KCNQ5: variants seen among roughly 807,000 people sequenced by gnomAD.
KCNQ5 encodes the protein potassium voltage-gated channel subfamily KQT member 5.
A neutral mutation model predicts 98.2 loss-of-function variants in KCNQ5; 30 were observed. The observed-to-expected ratio is 0.31, with a 90% CI of 0.23 to 0.41. KCNQ5 has a LOEUF of 0.41. KCNQ5 is among the 10% of genes least tolerant of loss of function. KCNQ5 has a pLI of 1.00. For synonymous variants in KCNQ5, 458 were observed against 449.4 expected, an observed-to-expected ratio of 1.02 and a Z score of -0.24; for missense variants, 835 against 1,182.5, an observed-to-expected ratio of 0.71 and a Z score of 4.31.
chr6:72,713,909 A>G (rs893039157), intron 1 of KCNQ5, among the ~76,000 whole-genome samples: 6 of 152,180 alleles, frequency 3.9e-5, no homozygotes, highest in African/African-American at 1.4e-4. Context: ...GTCTACCTGG[A>G]TCCTGTGTTG....
intron 1 of KCNQ5, among the ~76,000 whole-genome samples, chr6:72,717,433 ATG>A (rs1478057069): frequency 3.3e-5 from 5 of 152,328 alleles, no homozygotes; most frequent in African/African-American, 1.2e-4. Context: ...TACAATTATT[ATG>A]TGTCAAAAAT....
intron 1 of KCNQ5, among the ~76,000 whole-genome samples, chr6:72,719,971 C>A (rs1226539582): frequency 6.6e-6 from 1 of 152,194 alleles, no homozygotes; most frequent in Non-Finnish European, 1.5e-5. Flanking sequence ...CCTTTCTATG[C>A]CTGATATGTA....
At chr6:72,770,714 T>C (rs1772825011) in intron 1 of KCNQ5, among the ~76,000 whole-genome samples, 1 of 152,180 alleles carries the variant, frequency 6.6e-6, no homozygotes, top group African/African-American at 2.4e-5. Flanking sequence ...TTATTAATAC[T>C]AATTTAGTAT....
intron 1 of KCNQ5, among the ~76,000 whole-genome samples, chr6:72,820,682 T>G (rs1453747651): frequency 1.3e-5 from 2 of 152,058 alleles, no homozygotes; most frequent in Admixed American, 6.6e-5. Context: ...TTTTCTCTCC[T>G]TGGCATCACA....
chr6:72,874,630 T>A (rs1464380072), intron 1 of KCNQ5, among the ~76,000 whole-genome samples: 1 of 152,082 alleles, frequency 6.6e-6, no homozygotes, highest in Non-Finnish European at 1.5e-5. Flanking sequence ...ATAATAATAA[T>A]AACAGCTACA....
At chr6:72,899,874 C>G (rs2150192668) in intron 1 of KCNQ5, among the ~76,000 whole-genome samples, 1 of 151,786 alleles carries the variant, frequency 6.6e-6, no homozygotes, top group South Asian at 2.1e-4. Flanking sequence ...GAGACAGAGT[C>G]TCACTCTGTC....
At chr6:72,741,955 TTAATACCAGATGGTTAAGTAACTTGGTC>T (rs1430642886) in intron 1 of KCNQ5, among the ~76,000 whole-genome samples, 1 of 152,210 alleles carries the variant, frequency 6.6e-6, no homozygotes, top group Non-Finnish European at 1.5e-5. Flanking sequence ...TAGGGGTCAC[TTAATACCAGATGGTTAAGTAACTTGGTC>T]ATGCTACTAC....
intron 3 of KCNQ5, among the ~76,000 whole-genome samples, chr6:73,043,436 C>T (rs1255107800): frequency 1.3e-5 from 2 of 152,300 alleles, no homozygotes; most frequent in East Asian, 1.9e-4. Flanking sequence ...GGAGCAAAGT[C>T]GGTGGTAACT....
At chr6:73,099,407 ACCCAATGAT>A (rs1774666254) in intron 5 of KCNQ5, among the ~76,000 whole-genome samples, 1 of 152,170 alleles carries the variant, frequency 6.6e-6, no homozygotes, top group African/African-American at 2.4e-5. Context: ...AAAAAGCAAG[ACCCAATGAT>A]CTGTTGACTA....
At chr6:72,866,552 G>C (rs974664994) in intron 1 of KCNQ5, among the ~76,000 whole-genome samples, 2 of 152,032 alleles carry the variant, frequency 1.3e-5, no homozygotes, top group African/African-American at 4.8e-5. Context: ...ACTGCATCTG[G>C]CCCAGCCATC....
chr6:73,176,174 T>C (rs1778207101), intron 11 of KCNQ5, among the ~76,000 whole-genome samples: 1 of 152,234 alleles, frequency 6.6e-6, no homozygotes, highest in East Asian at 1.9e-4. Flanking sequence ...CCAAATCTCA[T>C]GTCAAACTGT....
chr6:72,951,243 T>C (rs985460510), intron 1 of KCNQ5, among the ~76,000 whole-genome samples: 1 of 152,084 alleles, frequency 6.6e-6, no homozygotes, highest in African/African-American at 2.4e-5. Flanking sequence ...AGCCTTCTTT[T>C]GTTGTTGTTG....
chr6:72,779,194 GC>G (rs539862908), intron 1 of KCNQ5, among the ~76,000 whole-genome samples: 1 of 152,270 alleles, frequency 6.6e-6, no homozygotes, highest in South Asian at 2.1e-4. Context: ...AGGGAAGGAT[GC>G]CCCCCTAGAA....
At chr6:73,187,555 A>G (rs3799286) in intron 11 of KCNQ5, among the ~76,000 whole-genome samples, 87,925 of 152,090 alleles carry the variant, frequency 0.58, 26,652 homozygotes, top group African/African-American at 0.75. Context: ...TACCACCTGA[A>G]GAGTGGTATG....
intron 11 of KCNQ5, among the ~76,000 whole-genome samples, chr6:73,187,004 A>G (rs1765390727): frequency 6.6e-6 from 1 of 150,538 alleles, no homozygotes; most frequent in Admixed American, 6.6e-5. Context: ...AAGTGTTCTC[A>G]TTGTTCAATT....
chr6:73,111,428 T>C, intron 7 of KCNQ5, 25 bp downstream of exon 7: 1 of 1,481,668 alleles, frequency 6.7e-7, no homozygotes, highest in Non-Finnish European at 9.3e-7. Flanking sequence ...AATAGGTAGA[T>C]GGCAACATTT....
intron 1 of KCNQ5, among the ~76,000 whole-genome samples, chr6:72,679,471 G>T (rs1353712497): frequency 3.3e-5 from 5 of 149,440 alleles, no homozygotes. Flanking sequence ...AGTATCGCAA[G>T]AACAAAAAAC....
intron 3 of KCNQ5, among the ~76,000 whole-genome samples, chr6:73,056,248 G>A (rs1220762575): frequency 1.3e-5 from 2 of 152,178 alleles, no homozygotes; most frequent in African/African-American, 2.4e-5. Flanking sequence ...CTGTAGTCAG[G>A]CCACTGCCTG....
At chr6:72,790,432 G>T (rs770399236) in intron 1 of KCNQ5, among the ~76,000 whole-genome samples, 1 of 152,134 alleles carries the variant, frequency 6.6e-6, no homozygotes, top group African/African-American at 2.4e-5. Context: ...TCACTTATTT[G>T]TAGGGACTAA....
Sources: allele counts gnomAD v4.1 joint callset (sites outside exome capture counted in the v4.1 genomes callset), GRCh38; gene constraint gnomAD v4.1.1; transcripts MANE v1.5; gene names NCBI Gene and HGNC (gene_info 2026-07-23, HGNC 2026-07-21).